OPCML: variants seen among roughly 807,000 people sequenced by gnomAD.
The protein encoded by OPCML is opioid-binding protein/cell adhesion molecule.
A neutral mutation model predicts 37.8 loss-of-function variants in OPCML; 13 were observed. That is an observed-to-expected ratio of 0.34 (90% CI 0.22 to 0.55). The LOEUF (loss-of-function observed/expected upper bound fraction) is 0.55. Ranked by LOEUF, OPCML falls within the 20% of genes least tolerant of loss-of-function variation. The pLI is 0.91. For synonymous variants in OPCML, 176 were observed against 168.8 expected (o/e 1.04, Z -0.33); for missense variants, 341 against 435.6 (o/e 0.78, Z 1.93).
At chr11:133,155,459 G>C (rs1198264522) in intron 1 of OPCML, among the ~76,000 whole-genome samples, 1 of 151,848 alleles carries the variant, frequency 6.6e-6, no homozygotes. Context: ...TCCTACCTTG[G>C]CTTCCGTGAA....
intron 4 of OPCML, among the ~76,000 whole-genome samples, chr11:132,518,166 C>G (rs921602118): frequency 4.6e-5 from 7 of 152,122 alleles, no homozygotes; most frequent in Non-Finnish European, 8.8e-5. Context: ...GCCTATCAAC[C>G]CATCACCTAG....
At chr11:133,082,826 C>G (rs976418925) in intron 1 of OPCML, among the ~76,000 whole-genome samples, 12 of 149,134 alleles carry the variant, frequency 8.0e-5, no homozygotes, top group Non-Finnish European at 1.2e-4. Context: ...CCCACCAACC[C>G]GGAGAGGTCG....
intron 1 of OPCML, among the ~76,000 whole-genome samples, chr11:133,410,187 G>A (rs544360738): frequency 5.1e-4 from 78 of 152,258 alleles, no homozygotes; most frequent in South Asian, 2.3e-3. Context: ...CCCCACCAGC[G>A]CCCAGCACAG....
At chr11:132,776,834 A>G (rs1329730777) in intron 2 of OPCML, among the ~76,000 whole-genome samples, 1 of 152,134 alleles carries the variant, frequency 6.6e-6, no homozygotes, top group African/African-American at 2.4e-5. Context: ...CCAAGCAGCT[A>G]TGGAGCCAGC....
At chr11:133,007,025 G>A (rs1947126923) in intron 1 of OPCML, 1 of 985,418 alleles carries the variant, frequency 1.0e-6, no homozygotes, top group African/African-American at 1.7e-5. Flanking sequence ...TAAAACAGGA[G>A]AGAGGAAAGG....
At chr11:133,375,738 A>G (rs1160814539) in intron 1 of OPCML, among the ~76,000 whole-genome samples, 4 of 152,262 alleles carry the variant, frequency 2.6e-5, no homozygotes, top group South Asian at 2.1e-4. Context: ...TATAGTCTCT[A>G]TTAACTAGTT....
chr11:133,278,515 G>A (rs1248503035), intron 1 of OPCML, among the ~76,000 whole-genome samples: 7 of 151,880 alleles, frequency 4.6e-5, no homozygotes, highest in East Asian at 3.9e-4. Flanking sequence ...CTCTCATTAC[G>A]TTCTTATGAG....
chr11:133,470,033 A>T (rs1947069019), intron 1 of OPCML, among the ~76,000 whole-genome samples: 1 of 152,220 alleles, frequency 6.6e-6, no homozygotes. Flanking sequence ...TTCCCAAATT[A>T]CACTGCAATA....
chr11:133,195,908 T>C (rs1938519266), intron 1 of OPCML, among the ~76,000 whole-genome samples: 1 of 152,298 alleles, frequency 6.6e-6, no homozygotes, highest in South Asian at 2.1e-4. Context: ...GGTAGCGCAC[T>C]CATAGACTAC....
At chr11:132,940,056 G>A (rs1023642272) in intron 2 of OPCML, among the ~76,000 whole-genome samples, 15 of 152,180 alleles carry the variant, frequency 9.9e-5, no homozygotes, top group Admixed American at 4.6e-4. Context: ...GGATAATATT[G>A]CCTCACTTAC....
rs368177314 is a variant in OPCML at position 133,364,762 on chromosome 11, ACT to A, written c.61+167500_61+167501del. On this transcript the variant is annotated intron_variant, in intron 1 of 7. Transcript: ENST00000524381. ...GAATACTGCCTGGCACTTAGTGAGA[ACT>A]CTGAATTTTTTCAAAATGAATATAT... 4.7e-4 allele frequency among the ~76,000 whole-genome samples: 71 copies of A among 152,136 alleles called. 1 individual carries two copies. The highest frequency in any genetic ancestry group is 1.5e-3 in the African/African-American group (64 of 41,506).
At chr11:133,344,227 C>A (rs1443878774) in intron 1 of OPCML, among the ~76,000 whole-genome samples, 1 of 152,186 alleles carries the variant, frequency 6.6e-6, no homozygotes, top group African/African-American at 2.4e-5. Flanking sequence ...ATCTGGCCGC[C>A]CCAGGTGGTA....
intron 1 of OPCML, among the ~76,000 whole-genome samples, chr11:133,012,438 C>T (rs1261578387): frequency 3.3e-5 from 5 of 152,058 alleles, no homozygotes; most frequent in South Asian, 4.1e-4. Context: ...TCTCTTAATT[C>T]GAATCAACTG....
At chr11:132,762,625 C>T (rs912027745) in intron 2 of OPCML, among the ~76,000 whole-genome samples, 2 of 152,146 alleles carry the variant, frequency 1.3e-5, no homozygotes, top group African/African-American at 4.8e-5. Context: ...AGGGGAAAAC[C>T]ACCTATTCAA....
At chr11:132,480,902 C>T (rs960354850) in intron 4 of OPCML, among the ~76,000 whole-genome samples, 2 of 151,880 alleles carry the variant, frequency 1.3e-5, no homozygotes, top group Non-Finnish European at 1.5e-5. Flanking sequence ...CCGCTACCAG[C>T]CACTGCAAAA....
chr11:133,016,499 GAA>G (rs1364560116), intron 1 of OPCML, among the ~76,000 whole-genome samples: 1 of 152,172 alleles, frequency 6.6e-6, no homozygotes, highest in East Asian at 1.9e-4. Context: ...ATCAGCTGGA[GAA>G]AGTTTCTTGC....
At chr11:133,408,948 G>A (rs1362742152) in intron 1 of OPCML, among the ~76,000 whole-genome samples, 1 of 152,212 alleles carries the variant, frequency 6.6e-6, no homozygotes, top group Non-Finnish European at 1.5e-5. Flanking sequence ...ATCTCTGCCA[G>A]CCATTGTCCA....
At chr11:132,662,719 G>C (rs537852753) in intron 2 of OPCML, among the ~76,000 whole-genome samples, 17 of 152,218 alleles carry the variant, frequency 1.1e-4, no homozygotes, top group Non-Finnish European at 2.1e-4. Flanking sequence ...ACGTTGAATG[G>C]TTGAATGTTT....
chr11:132,623,272 G>T (rs1939534276), intron 3 of OPCML, among the ~76,000 whole-genome samples: 1 of 151,908 alleles, frequency 6.6e-6, no homozygotes, highest in African/African-American at 2.4e-5. Context: ...AACAGCCTTG[G>T]CTCTGAGCTT....
Sources: gnomAD v4.1 joint callset for allele counts (sites outside exome capture counted in the v4.1 genomes callset) on GRCh38, gnomAD v4.1.1 for gene constraint, MANE v1.5 for transcripts, NCBI Gene and HGNC (gene_info 2026-07-23, HGNC 2026-07-21) for gene names.